ADARB1: variants seen among roughly 807,000 people sequenced by gnomAD.
ADARB1 encodes the protein adenosine deaminase RNA specific B1.
In ADARB1, 10 loss-of-function variants were observed where a neutral mutation model predicts 52.4. The ratio of observed to expected loss-of-function variants is 0.19; its 90% CI spans 0.12 to 0.32. The LOEUF (loss-of-function observed/expected upper bound fraction) is 0.32. ADARB1 is among the 10% of genes least tolerant of loss of function. The pLI, the probability that ADARB1 is intolerant of heterozygous loss-of-function variation, is 1.00. For missense variants in ADARB1, 643 were observed against 922.3 expected (o/e 0.70, Z 3.92); for synonymous variants, 349 against 371.1 (o/e 0.94, Z 0.68).
Position 45,225,251 on chromosome 21 carries a change from C to T in ADARB1, c.*3054C>T, listed in dbSNP as rs1569198195. On this transcript the variant is annotated 3_prime_UTR_variant, in exon 11 of 11. Transcript: ENST00000348831. ...CGACAGGTCCAGATGGATGTCGTCA[C>T]CACCTTCCTCAGCTCTCATCACCTG... The T allele has an allele frequency of 8.8e-7, 1 of 1,135,194 alleles. No individual in the cohort carries two copies. Among genetic ancestry groups the T allele is most frequent in the Non-Finnish European group, 1.1e-6 (1 of 926,934 alleles). 70.3% of individuals were successfully genotyped at this position (1,135,194 alleles called of 1,614,324 possible). A position where few individuals can be genotyped will look rare whatever the true frequency, so the allele number is the denominator to read the frequency against.
chr21:45,182,485 AAAGTT>A, intron 5 of ADARB1, 95 bp from the exon 6 acceptor site: 1 of 1,340,870 alleles, frequency 7.5e-7, no homozygotes, highest in East Asian at 2.5e-5. Context: ...TGGCCCCTGA[AAAGTT>A]AAGTCACTGA....
Position 45,194,247 on chromosome 21 carries a change from T to G in ADARB1, c.1565+9156T>G, listed in dbSNP as rs946405718. Among the ~76,000 whole-genome samples, 10 of 152,192 alleles carry G rather than the reference T, an allele frequency of 6.6e-5. No individual in the cohort carries two copies. In the East Asian group the frequency reaches 1.5e-3, roughly 24 times the overall value. ...CCTCCCCATCATCAGCATCTCCCAC[T>G]CTAGTGCTATATTCATTACAATCGA... On this transcript the variant is annotated intron_variant, in intron 8 of 10. Transcript: ENST00000348831.
At chr21:45,089,009 G>A (rs1479004990) in intron 1 of ADARB1, among the ~76,000 whole-genome samples, 1 of 152,198 alleles carries the variant, frequency 6.6e-6, no homozygotes, top group African/African-American at 2.4e-5. Context: ...ATTGGTCTAA[G>A]CTTAGAGACC....
chr21:45,125,903 C>A (rs1028451406), intron 1 of ADARB1, among the ~76,000 whole-genome samples: 1 of 152,206 alleles, frequency 6.6e-6, no homozygotes, highest in African/African-American at 2.4e-5. Flanking sequence ...CTGACTTGTT[C>A]AGGTAGGCAC....
At chr21:45,154,369 A>G (rs937864875) in intron 2 of ADARB1, among the ~76,000 whole-genome samples, 1 of 152,216 alleles carries the variant, frequency 6.6e-6, no homozygotes, top group Non-Finnish European at 1.5e-5. Context: ...GAAACTAATA[A>G]AAATACCTTT....
At chr21:45,113,622 C>T (rs1472421301) in intron 1 of ADARB1, among the ~76,000 whole-genome samples, 1 of 151,808 alleles carries the variant, frequency 6.6e-6, no homozygotes, top group Non-Finnish European at 1.5e-5. Context: ...GTCTGTACAG[C>T]GTCACCTGTT....
chr21:45,096,629 G>C (rs1034280726), intron 1 of ADARB1, among the ~76,000 whole-genome samples: 1 of 152,176 alleles, frequency 6.6e-6, no homozygotes, highest in East Asian at 1.9e-4. Flanking sequence ...AGGCCTCCCT[G>C]GTCGTTCCTA....
Position 45,223,279 on chromosome 21 carries a change from C to G in ADARB1, c.*1082C>G. ...GACATGTTTGAAAAATAAAAAGCATCCAAGTGAGAGCTGGTGAGACCACGT... is the reference window on the plus strand; with the variant it reads ...GACATGTTTGAAAAATAAAAAGCATGCAAGTGAGAGCTGGTGAGACCACGT... On this transcript the variant is annotated 3_prime_UTR_variant, in exon 11 of 11. Coordinates refer to ENST00000348831, the MANE Select transcript of ADARB1 (RefSeq NM_001112.4). 1.0e-6 allele frequency: 1 copy of G among 985,458 alleles called. No homozygotes were observed. The highest frequency in any genetic ancestry group is 1.2e-6 in the Non-Finnish European group (1 of 829,936). 61.0% of individuals were successfully genotyped at this position (985,458 alleles called of 1,614,324 possible).
Position 45,183,651 on chromosome 21 carries a change from G to A in ADARB1, c.1396+141G>A, listed in dbSNP as rs2092002601. 3.0e-6 allele frequency: 3 copies of A among 1,004,610 alleles called. No homozygotes were observed. In the East Asian group the frequency reaches 9.1e-5, roughly 31 times the overall value. 62.2% of individuals were successfully genotyped at this position (1,004,610 alleles called of 1,614,324 possible). A position where few individuals can be genotyped will look rare whatever the true frequency, so the allele number is the denominator to read the frequency against. ...GGATCTGATAAGAGTCTCTATAAAA[G>A]CATGGATTTTTTTCTTTCCAATTAA... On this transcript the variant is annotated intron_variant, in intron 7 of 10. Coordinates refer to ENST00000348831, the MANE Select transcript of ADARB1 (RefSeq NM_001112.4).
chr21:45,197,666 C>A (rs2092456431), intron 8 of ADARB1, among the ~76,000 whole-genome samples: 1 of 152,154 alleles, frequency 6.6e-6, no homozygotes, highest in Non-Finnish European at 1.5e-5. Flanking sequence ...TGGAAGCAAT[C>A]CACGCAGCCA....
intron 1 of ADARB1, among the ~76,000 whole-genome samples, chr21:45,080,792 A>T (rs561814725): frequency 6.6e-6 from 1 of 152,308 alleles, no homozygotes; most frequent in African/African-American, 2.4e-5. Flanking sequence ...CCTAGCTGGG[A>T]ATTTCAGTTT....
intron 1 of ADARB1, among the ~76,000 whole-genome samples, chr21:45,113,389 C>T (rs187364434): frequency 1.3e-5 from 2 of 152,142 alleles, no homozygotes; most frequent in African/African-American, 4.8e-5. Context: ...TGCCACTGTA[C>T]TCCAGCCTGG....
rs2092707416 is a variant in ADARB1 at position 45,208,593 on chromosome 21, G to A, written c.1747+3857G>A. ...AGTGAGAGAGAAGGAACATCACTGT[G>A]AGAGTGTGGAAAGTGTGTGTGTGTA... On this transcript the variant is annotated intron_variant, in intron 9 of 10. Transcript: ENST00000348831. This position sits in a 1 kb window ranked among gnomAD's most constrained non-coding sequence, Gnocchi z 5.6. Among the ~76,000 whole-genome samples the A allele has an allele frequency of 6.6e-6, 1 of 151,946 alleles. No homozygotes were observed. The highest frequency in any genetic ancestry group is 2.4e-5 in the African/African-American group (1 of 41,382).
At chr21:45,087,448 A>AGAC (rs1429916302) in intron 1 of ADARB1, among the ~76,000 whole-genome samples, 1 of 152,206 alleles carries the variant, frequency 6.6e-6, no homozygotes, top group Admixed American at 6.5e-5. Context: ...GGATGCAGGA[A>AGAC]GACACACGCT....
chr21:45,078,189 G>C lies in ADARB1; in HGVS notation c.-220+3396G>C, dbSNP rs182265113. Among the ~76,000 whole-genome samples, 4 of 152,302 alleles carry C rather than the reference G, an allele frequency of 2.6e-5. No homozygotes were observed. In the East Asian group the frequency reaches 7.7e-4, roughly 29 times the overall value. On this transcript the variant is annotated intron_variant, in intron 1 of 10. Coordinates refer to ENST00000348831, the MANE Select transcript of ADARB1 (RefSeq NM_001112.4). ...AACGTCTTTGTGATGGAACAGGAAG[G>C]GGGATGAAAGTAACTCTGAGATACC...
At chr21:45,198,084 A>G (rs2092465507) in intron 8 of ADARB1, among the ~76,000 whole-genome samples, 2 of 152,242 alleles carry the variant, frequency 1.3e-5, no homozygotes, top group African/African-American at 2.4e-5. Context: ...ATATAAGTAA[A>G]TGACAGAAAG....
intron 3 of ADARB1, 128 bp downstream of exon 3, chr21:45,171,812 A>G (rs1284106467): frequency 6.0e-6 from 5 of 836,252 alleles, no homozygotes; most frequent in East Asian, 2.8e-5. Context: ...TTCTACTGAC[A>G]GTGGCATGTT....
chr21:45,126,812 G>A (rs1601469276), intron 1 of ADARB1, among the ~76,000 whole-genome samples: 2 of 152,282 alleles, frequency 1.3e-5, no homozygotes, highest in African/African-American at 4.8e-5. Context: ...AACCCACTCT[G>A]CATATCACCT....
intron 2 of ADARB1, among the ~76,000 whole-genome samples, chr21:45,163,952 G>A: frequency 6.6e-6 from 1 of 152,304 alleles, no homozygotes; most frequent in East Asian, 1.9e-4. Context: ...AGTCACCTTG[G>A]GCTGTGTGCT....
Sources: gnomAD v4.1 joint callset for allele counts (sites outside exome capture counted in the v4.1 genomes callset) on GRCh38, gnomAD v4.1.1 for gene constraint, Gnocchi (gnomAD v3.1) non-coding constraint, MANE v1.5 for transcripts, NCBI Gene and HGNC (gene_info 2026-07-23, HGNC 2026-07-21) for gene names.